COL10A1: variants seen among roughly 807,000 people sequenced by gnomAD.
COL10A1 encodes the protein collagen alpha-1(X) chain.
COL10A1 carries 10 observed loss-of-function variants against 18.2 expected under a neutral mutation model. The ratio of observed to expected loss-of-function variants is 0.55; its 90% CI spans 0.34 to 0.93. COL10A1 has a LOEUF of 0.93. COL10A1 is among the 40% of genes least tolerant of loss of function. The pLI, the probability that COL10A1 is intolerant of heterozygous loss-of-function variation, is 0.02. For missense variants in COL10A1, 897 were observed against 853.5 expected (o/e 1.05, Z -0.64); for synonymous variants, 330 against 316.6 (o/e 1.04, Z -0.45).
chr6:116,166,702 A>T, the COL10A1 span, among the ~76,000 whole-genome samples: 2 of 152,222 alleles, frequency 1.3e-5, no homozygotes, highest in Non-Finnish European at 2.9e-5. Context: ...TCAGTTATTT[A>T]TCTAAATCCA....
chr6:116,129,443 G>A (rs1288477665), upstream of COL10A1, among the ~76,000 whole-genome samples: 5 of 152,184 alleles, frequency 3.3e-5, no homozygotes, highest in South Asian at 1.0e-3. Context: ...ATGAGGTTGC[G>A]AGGACTATGC....
At chr6:116,190,226 A>G in the COL10A1 span, among the ~76,000 whole-genome samples, 2 of 151,986 alleles carry the variant, frequency 1.3e-5, no homozygotes, top group Non-Finnish European at 2.9e-5. Context: ...GAAAGTCAGC[A>G]TTCCCTGAGC....
At chr6:116,196,688 T>C in the COL10A1 span, among the ~76,000 whole-genome samples, 6,220 of 152,094 alleles carry the variant, frequency 0.041, 430 homozygotes, top group African/African-American at 0.14. Flanking sequence ...TTTATGAGCA[T>C]TTCACCAGCA....
intron 1 of COL10A1, chr6:116,137,386 A>G (rs1335386268): frequency 1.9e-5 from 3 of 157,264 alleles, no homozygotes; most frequent in African/African-American, 7.2e-5. Context: ...TTTCTGAAGC[A>G]GGTCACAGGG....
the COL10A1 span, among the ~76,000 whole-genome samples, chr6:116,216,691 ACAG>A: frequency 6.6e-6 from 1 of 152,028 alleles, no homozygotes; most frequent in Non-Finnish European, 1.5e-5. Context: ...TGTTATATAA[ACAG>A]CAAATCTGTT....
chr6:116,200,348 G>A, the COL10A1 span, among the ~76,000 whole-genome samples: 1 of 152,012 alleles, frequency 6.6e-6, no homozygotes, highest in East Asian at 1.9e-4. Flanking sequence ...TCCTGGCACA[G>A]AAAAGAGACA....
chr6:116,165,471 A>G, the COL10A1 span, among the ~76,000 whole-genome samples: 2 of 152,246 alleles, frequency 1.3e-5, no homozygotes, highest in African/African-American at 2.4e-5. Context: ...AGGAATACCT[A>G]TAAATTATAG....
At chr6:116,175,341 A>G in the COL10A1 span, among the ~76,000 whole-genome samples, 2 of 152,138 alleles carry the variant, frequency 1.3e-5, no homozygotes, top group Non-Finnish European at 2.9e-5. Flanking sequence ...CTCTCTAGCT[A>G]CCTTCATGAT....
In COL10A1 at chr6:116,152,320, TA is replaced by T. The variant is rs540189707; in HGVS notation, c.-16+6293del. On this transcript the variant is annotated intron_variant, in intron 1 of 1. Coordinates refer to the COL10A1 transcript ENST00000418500. ...GCACACAACAGTTGATTCTTCAACT[TA>T]TCGTACCATTTAACTCCCATTCCTT... Among the ~76,000 whole-genome samples the T allele has an allele frequency of 2.3e-3, 344 of 152,342 alleles. 2 individuals are homozygous for T. The highest frequency in any genetic ancestry group is 8.1e-3 in the African/African-American group (338 of 41,574).
At chr6:116,140,559 A>G (rs1159827605) in intron 1 of COL10A1, among the ~76,000 whole-genome samples, 3 of 152,156 alleles carry the variant, frequency 2.0e-5, no homozygotes, top group African/African-American at 7.2e-5. Flanking sequence ...TAACATTAGC[A>G]TTCTTTTTGA....
intron 1 of COL10A1, among the ~76,000 whole-genome samples, chr6:116,142,938 G>C (rs572033113): frequency 2.0e-5 from 3 of 152,204 alleles, no homozygotes; most frequent in Non-Finnish European, 2.9e-5. Flanking sequence ...CCAAAAATCT[G>C]GATTAACTAT....
At chr6:116,181,702 A>G in the COL10A1 span, among the ~76,000 whole-genome samples, 2 of 152,056 alleles carry the variant, frequency 1.3e-5, no homozygotes, top group South Asian at 2.1e-4. Flanking sequence ...AACAAAACCT[A>G]TTGCAAGCTT....
At position 116,119,699 on chromosome 6, in the gene COL10A1, C is replaced by A. The variant is rs528772632; in HGVS notation, c.*374G>T. ...ACAGGCTTTTTTAAAAAGGAAATGC[C>A]GAGTTTCTCAAATCAAATTTCACAT... On this transcript the variant is annotated 3_prime_UTR_variant, in exon 3 of 3. Coordinates refer to ENST00000651968, the MANE Select transcript of COL10A1 (RefSeq NM_000493.4). 13 of 181,120 alleles carry A rather than the reference C, an allele frequency of 7.2e-5. No homozygotes were observed. Among genetic ancestry groups the A allele is most frequent in the Admixed American group, 5.7e-5 (1 of 17,436 alleles). 11.2% of individuals were successfully genotyped at this position (181,120 alleles called of 1,614,324 possible). A position where few individuals can be genotyped will look rare whatever the true frequency, so the allele number is the denominator to read the frequency against.
intron 1 of COL10A1, among the ~76,000 whole-genome samples, chr6:116,145,761 C>G (rs1779883153): frequency 1.3e-5 from 2 of 152,144 alleles, no homozygotes; most frequent in East Asian, 3.9e-4. Flanking sequence ...CAGATACTTA[C>G]CAATTCATTT....
At chr6:116,172,830 A>T in the COL10A1 span, among the ~76,000 whole-genome samples, 5 of 152,212 alleles carry the variant, frequency 3.3e-5, no homozygotes, top group Admixed American at 2.0e-4. Context: ...GACCTTTAGG[A>T]AAATCTACTC....
At chr6:116,165,029 G>A in the COL10A1 span, among the ~76,000 whole-genome samples, 4 of 149,336 alleles carry the variant, frequency 2.7e-5, no homozygotes, top group East Asian at 1.9e-4. Flanking sequence ...CCTGGGAGGC[G>A]GAGCTTGCAG....
At position 116,121,093 on chromosome 6, in the gene COL10A1, C is replaced by T. The variant is rs548995634; in HGVS notation, c.1023G>A (p.Gly341=). The stretch of plus-strand genomic sequence containing the variant: ...CTTTTGGTCCTTGGGGTCCCATATT[C>T]CCAGGGGGTCCAGTCAGACCTGGCT... ...PGKPGLTGPP[G]NMGPQGPKGI... Residue 341 remains glycine (G), a synonymous_variant, in exon 3 of 3, where the codon GGG becomes GGA. Transcript: ENST00000651968. 5.0e-6 allele frequency: 8 copies of T among 1,613,936 alleles called. No homozygotes were observed. Among genetic ancestry groups the T allele is most frequent in the Middle Eastern group, 1.7e-4 (1 of 6,058 alleles).
At chr6:116,201,918 A>G in the COL10A1 span, among the ~76,000 whole-genome samples, 1 of 152,016 alleles carries the variant, frequency 6.6e-6, no homozygotes, top group South Asian at 2.1e-4. Context: ...TGGTAGATTT[A>G]TGCACCTACA....
chr6:116,177,401 C>T, the COL10A1 span, among the ~76,000 whole-genome samples: 167 of 152,224 alleles, frequency 1.1e-3, no homozygotes, highest in Non-Finnish European at 1.5e-3. Context: ...GATTGAAACT[C>T]ACCACTCTAA....
Sources: gnomAD v4.1 joint callset for allele counts (sites outside exome capture counted in the v4.1 genomes callset) on GRCh38, gnomAD v4.1.1 for gene constraint, MANE v1.5 for transcripts, NCBI Gene and HGNC (gene_info 2026-07-23, HGNC 2026-07-21) for gene names.